Variants in TRABD2A observed in about 807,000 individuals in gnomAD.
The protein encoded by TRABD2A is metalloprotease TIKI1.
Under a neutral mutation model 45.6 loss-of-function variants are expected in TRABD2A, and 43 were observed. The ratio of observed to expected loss-of-function variants is 0.94; its 90% CI spans 0.74 to 1.22. TRABD2A has a LOEUF of 1.22. Among genes scored for constraint, TRABD2A ranks in the 50% most tolerant of loss-of-function variants. The pLI is 0.00. For synonymous variants in TRABD2A, 269 were observed against 265.0 expected (o/e 1.02, Z -0.15); for missense variants, 642 against 652.4 (o/e 0.98, Z 0.17).
chr2:84,833,807 C>T (rs1295337870), intron 4 of TRABD2A: 1 of 151,040 alleles, frequency 6.6e-6, no homozygotes, highest in African/African-American at 2.4e-5. Context: ...CAGCCCCAAT[C>T]TAGCCCTGCA....
chr2:84,828,417 A>C (rs1286784855), intron 5 of TRABD2A, among the ~76,000 whole-genome samples: 2 of 152,198 alleles, frequency 1.3e-5, no homozygotes, highest in Non-Finnish European at 2.9e-5. Flanking sequence ...GGACTACCAG[A>C]TGGCTGCCGA....
chr2:84,875,502 T>C (rs1353801248), intron 1 of TRABD2A, among the ~76,000 whole-genome samples: 1 of 152,204 alleles, frequency 6.6e-6, no homozygotes, highest in Admixed American at 6.5e-5. Context: ...CAGGAAGGGC[T>C]CAGGCTTTCA....
chr2:84,876,731 A>G (rs1036457518), intron 1 of TRABD2A, among the ~76,000 whole-genome samples: 8 of 152,130 alleles, frequency 5.3e-5, no homozygotes, highest in African/African-American at 1.9e-4. Context: ...ATACCCTGCT[A>G]GTTGTATTGT....
At chr2:84,842,044 C>A in intron 2 of TRABD2A, 37 bp from the exon 3 acceptor site, 1 of 1,444,386 alleles carries the variant, frequency 6.9e-7, no homozygotes, top group South Asian at 1.5e-5. Flanking sequence ...ACTAACAAGG[C>A]AACTGTTTGC....
chr2:84,856,240 C>T (rs1405769508), intron 2 of TRABD2A, among the ~76,000 whole-genome samples: 1 of 152,100 alleles, frequency 6.6e-6, no homozygotes, highest in East Asian at 1.9e-4. Flanking sequence ...CTCCCCACCT[C>T]ACCTAGGTCT....
chr2:84,829,545 A>C (rs1463727755), intron 5 of TRABD2A, among the ~76,000 whole-genome samples: 1 of 150,072 alleles, frequency 6.7e-6, no homozygotes, highest in Non-Finnish European at 1.5e-5. Flanking sequence ...TACACAATAC[A>C]CACACCACAC....
rs1372063581 is a variant in TRABD2A, at chr2:84,824,214, A to G, written c.1083-10T>C. 7 of 1,613,440 alleles carry G rather than the reference A, an allele frequency of 4.3e-6. No individual in the cohort carries two copies. The highest frequency in any genetic ancestry group is 5.9e-6 in the Non-Finnish European group (7 of 1,179,774). On this transcript the variant is annotated splice_polypyrimidine_tract_variant and intron_variant, in intron 5 of 6. Coordinates refer to ENST00000409520, the MANE Select transcript of TRABD2A (RefSeq NM_001277053.2). ...CTTTTTACTCTTCCCTCTGTACGCA[A>G]GTGGAAGGAGAAGGTATTTGGAGGA...
chr2:84,844,495 G>T (rs1681820813), intron 2 of TRABD2A, among the ~76,000 whole-genome samples: 1 of 152,150 alleles, frequency 6.6e-6, no homozygotes, highest in Non-Finnish European at 1.5e-5. Context: ...GTCTTCATTA[G>T]CAGTGTGAGA....
At chr2:84,860,881 A>G (rs115413299) in intron 2 of TRABD2A, among the ~76,000 whole-genome samples, 3,912 of 152,340 alleles carry the variant, frequency 0.026, 82 homozygotes, top group South Asian at 0.055. Context: ...ACCCACTGGC[A>G]GAAGCCAGAT....
At chr2:84,863,597 CTTTTTTTTTTTTTT>C (rs55952015) in intron 2 of TRABD2A, among the ~76,000 whole-genome samples, 1 of 78,100 alleles carries the variant, frequency 1.3e-5, no homozygotes, top group East Asian at 4.0e-4. Context: ...TTCAAATTTT[CTTTTTTTTTTTTTT>C]TTTTTTTTTT....
intron 5 of TRABD2A, among the ~76,000 whole-genome samples, chr2:84,826,709 T>A (rs549881080): frequency 6.6e-6 from 1 of 152,324 alleles, no homozygotes; most frequent in Admixed American, 6.5e-5. Context: ...TTTTTTTGTA[T>A]TTTTAGTAGA....
intron 2 of TRABD2A, among the ~76,000 whole-genome samples, chr2:84,862,420 T>A (rs1235060543): frequency 6.6e-6 from 1 of 152,140 alleles, no homozygotes; most frequent in African/African-American, 2.4e-5. Flanking sequence ...AGCTCTCTAC[T>A]GCCAGCCTAG....
At chr2:84,840,775 T>C (rs1404737029) in intron 3 of TRABD2A, among the ~76,000 whole-genome samples, 2 of 152,212 alleles carry the variant, frequency 1.3e-5, no homozygotes, top group African/African-American at 4.8e-5. Context: ...CCTTCTTTAA[T>C]GTGTTTCTTG....
intron 2 of TRABD2A, among the ~76,000 whole-genome samples, chr2:84,858,273 C>T (rs919160781): frequency 2.3e-4 from 34 of 150,820 alleles, no homozygotes; most frequent in African/African-American, 7.1e-4. Context: ...CCTCCAACAT[C>T]GTCTCCCACC....
chr2:84,870,532 C>G lies in TRABD2A; in HGVS notation c.362G>C (p.Cys121Ser), dbSNP rs1224866135. Residue 121 changes from cysteine (C) to serine (S), a missense_variant, in exon 2 of 7, where the codon TGC (cysteine) becomes TCC (serine). Transcript: ENST00000409520. ...LQDVLPRDIY[C>S]RLKRHLEYVK... ...ATACTCCAGGTGGCGCTTGAGGCGGCAGTAGATGTCCCTGGGGAGCACATC... is the reference window on the plus strand; with the variant it reads ...ATACTCCAGGTGGCGCTTGAGGCGGGAGTAGATGTCCCTGGGGAGCACATC... 6.2e-7 allele frequency: 1 copy of G among 1,613,878 alleles called. No homozygotes were observed. Among genetic ancestry groups the G allele is most frequent in the Admixed American group, 1.7e-5 (1 of 59,998 alleles).
At chr2:84,831,764 A>G (rs1681345756) in intron 5 of TRABD2A, among the ~76,000 whole-genome samples, 2 of 151,740 alleles carry the variant, frequency 1.3e-5, no homozygotes, top group Non-Finnish European at 2.9e-5. Flanking sequence ...CTACCCCTCA[A>G]CCCCTGGGCA....
At chr2:84,826,178 G>A (rs1681140366) in intron 5 of TRABD2A, among the ~76,000 whole-genome samples, 1 of 152,142 alleles carries the variant, frequency 6.6e-6, no homozygotes, top group African/African-American at 2.4e-5. Flanking sequence ...ATTTAGTGAG[G>A]AACATGGTCT....
intron 2 of TRABD2A, among the ~76,000 whole-genome samples, chr2:84,861,801 C>T (rs552437556): frequency 3.3e-4 from 50 of 152,184 alleles, no homozygotes; most frequent in African/African-American, 1.1e-3. Flanking sequence ...CCAAAGCACC[C>T]GCAAGAGCAG....
At chr2:84,823,737 C>T (rs552093023) in intron 6 of TRABD2A, among the ~76,000 whole-genome samples, 1 of 152,198 alleles carries the variant, frequency 6.6e-6, no homozygotes, top group African/African-American at 2.4e-5. Context: ...CTTTAACAAG[C>T]ATAAACATGT....
Sources: allele counts gnomAD v4.1 joint callset (sites outside exome capture counted in the v4.1 genomes callset), GRCh38; gene constraint gnomAD v4.1.1; transcripts MANE v1.5; gene names NCBI Gene and HGNC (gene_info 2026-07-23, HGNC 2026-07-21).